Variants in SCN2A observed in about 807,000 individuals in gnomAD.
The protein encoded by SCN2A is sodium channel protein type 2 subunit alpha.
A neutral mutation model predicts 188.7 loss-of-function variants in SCN2A; 20 were observed. The ratio of observed to expected loss-of-function variants is 0.11; its 90% CI spans 0.07 to 0.15. SCN2A has a LOEUF of 0.15. Among genes scored for constraint, SCN2A ranks in the 10% least tolerant of loss-of-function variants. The pLI, the probability that SCN2A is intolerant of heterozygous loss-of-function variation, is 1.00. For missense variants in SCN2A, 1,278 were observed against 2,445.0 expected (o/e 0.52, Z 10.07); for synonymous variants, 804 against 833.1 (o/e 0.97, Z 0.60).
intron 18 of SCN2A, among the ~76,000 whole-genome samples, chr2:165,366,316 T>C (rs1700723500): frequency 6.6e-6 from 1 of 152,208 alleles, no homozygotes; most frequent in African/African-American, 2.4e-5. Flanking sequence ...TTTTTGACAA[T>C]AGTAGATACT....
At chr2:165,373,022 G>T in intron 20 of SCN2A, 1 of 531,640 alleles carries the variant, frequency 1.9e-6, no homozygotes, top group Non-Finnish European at 3.4e-6. Context: ...CTTCACCCTG[G>T]GAACCTGTAG....
At position 165,354,691 on chromosome 2, in the gene SCN2A, G is replaced by A; in HGVS notation, c.3399+20G>A. 5.0e-6 allele frequency: 8 copies of A among 1,610,040 alleles called. No homozygotes were observed. Among genetic ancestry groups the A allele is most frequent in the Non-Finnish European group, 6.8e-6 (8 of 1,178,642 alleles). On this transcript the variant is annotated intron_variant, in intron 17 of 26. Transcript: ENST00000375437. ...AAAGAGGTAAAAATGTTTAAATAAG[G>A]AGATATTTTGGTGTTATATAATTCT...
chr2:165,273,617 C>T (rs1406570780), intron 1 of SCN2A: 1 of 152,048 alleles, frequency 6.6e-6, no homozygotes, highest in Non-Finnish European at 1.5e-5. Flanking sequence ...TTCTCTCTGT[C>T]TGTTTGAGAA....
rs1045693589 is a variant in SCN2A, at chr2:165,244,692, A to G, written c.-52+5052A>G. Among the ~76,000 whole-genome samples, 3 of 152,338 alleles carry G rather than the reference A, an allele frequency of 2.0e-5. No homozygotes were observed. In the East Asian group the frequency reaches 5.8e-4, roughly 29 times the overall value. On this transcript the variant is annotated intron_variant, in intron 1 of 26. Transcript: ENST00000375437. ...AAATAACATTTAGGGGGATAAAATGATCTTAGGAAGAAATTGCCCACAAAA... is the reference window on the plus strand; with the variant it reads ...AAATAACATTTAGGGGGATAAAATGGTCTTAGGAAGAAATTGCCCACAAAA...
At chr2:165,375,819 G>GCACACA (rs112644456) in intron 22 of SCN2A, among the ~76,000 whole-genome samples, 1 of 146,688 alleles carries the variant, frequency 6.8e-6, no homozygotes, top group Non-Finnish European at 1.5e-5. Flanking sequence ...GTGTATACAC[G>GCACACA]CACACACACA....
At position 165,377,580 on chromosome 2, in the gene SCN2A, T is replaced by A. The variant is rs1322582730; in HGVS notation, c.4255-17T>A. On this transcript the variant is annotated splice_polypyrimidine_tract_variant and intron_variant, in intron 22 of 26. Transcript: ENST00000375437. ...ATAATTTTGGGAAAAAAGAAAATGA[T>A]ATGACTTTTCTTACAGGCCACGTTT... 1 of 1,596,514 alleles carries A rather than the reference T, an allele frequency of 6.3e-7. No homozygotes were observed. The highest frequency in any genetic ancestry group is 1.7e-5 in the Admixed American group (1 of 59,312).
At position 165,310,609 on chromosome 2, in the gene SCN2A, T is replaced by C. The variant is rs1267916351; in HGVS notation, c.970+14T>C. The C allele has an allele frequency of 1.9e-6, 3 of 1,581,542 alleles. No individual in the cohort carries two copies. Among genetic ancestry groups the C allele is most frequent in the South Asian group, 1.1e-5 (1 of 89,062 alleles). ...TTGAGGATAAAAGTAAGATATACTC[T>C]ATAAACCATTAAGTTGTTTAGTTCT... On this transcript the variant is annotated intron_variant, in intron 7 of 26. Coordinates refer to ENST00000375437, the MANE Select transcript of SCN2A (RefSeq NM_001040142.2).
chr2:165,317,392 A>G (rs2105263901), intron 11 of SCN2A, among the ~76,000 whole-genome samples: 1 of 151,838 alleles, frequency 6.6e-6, no homozygotes, highest in East Asian at 1.9e-4. Flanking sequence ...AGAGAGAGGA[A>G]AAAAGGGAGC....
chr2:165,290,107 G>T (rs1402978116), intron 1 of SCN2A, among the ~76,000 whole-genome samples: 1 of 151,992 alleles, frequency 6.6e-6, no homozygotes, highest in African/African-American at 2.4e-5. Context: ...GACAGTATTT[G>T]TACATATTCA....
intron 1 of SCN2A, among the ~76,000 whole-genome samples, chr2:165,289,145 T>C (rs1338873079): frequency 6.6e-6 from 1 of 152,078 alleles, no homozygotes; most frequent in Admixed American, 6.5e-5. Context: ...TTTCTTAGTA[T>C]AAATTTATTT....
At chr2:165,369,014 C>T (rs1477068015) in intron 19 of SCN2A, among the ~76,000 whole-genome samples, 2 of 151,994 alleles carry the variant, frequency 1.3e-5, no homozygotes, top group African/African-American at 4.8e-5. Flanking sequence ...CAGCCTCCAT[C>T]TCTTGGGTTC....
intron 12 of SCN2A, among the ~76,000 whole-genome samples, chr2:165,324,656 A>G (rs961562037): frequency 7.2e-5 from 11 of 152,242 alleles, no homozygotes; most frequent in African/African-American, 2.7e-4. Context: ...AGAACACTGT[A>G]CATGTGTTAA....
chr2:165,288,902 T>G (rs185574916), intron 1 of SCN2A, among the ~76,000 whole-genome samples: 31 of 152,232 alleles, frequency 2.0e-4, no homozygotes, highest in Admixed American at 1.9e-3. Flanking sequence ...TAGCAAATCT[T>G]TTATTGGTTT....
At chr2:165,385,538 C>G (rs1196537232) in intron 25 of SCN2A, among the ~76,000 whole-genome samples, 1 of 152,134 alleles carries the variant, frequency 6.6e-6, no homozygotes, top group East Asian at 1.9e-4. Flanking sequence ...AGAAGAGTTA[C>G]TCATAATGAA....
At chr2:165,338,858 T>A (rs1046206497) in intron 14 of SCN2A, among the ~76,000 whole-genome samples, 4 of 152,148 alleles carry the variant, frequency 2.6e-5, no homozygotes, top group African/African-American at 7.2e-5. Flanking sequence ...AACAGTCATT[T>A]GTGAGAAAAA....
At chr2:165,307,142 A>G (rs1033144793) in intron 3 of SCN2A, among the ~76,000 whole-genome samples, 4 of 152,130 alleles carry the variant, frequency 2.6e-5, no homozygotes, top group African/African-American at 9.7e-5. Flanking sequence ...GAAGCAATTC[A>G]TTGAGCATCT....
intron 15 of SCN2A, among the ~76,000 whole-genome samples, chr2:165,342,968 C>G (rs1699391867): frequency 6.6e-6 from 1 of 152,182 alleles, no homozygotes; most frequent in African/African-American, 2.4e-5. Context: ...GCTGCCACAT[C>G]AGAAAATCAC....
intron 14 of SCN2A, among the ~76,000 whole-genome samples, chr2:165,335,408 T>G (rs932322833): frequency 3.3e-5 from 5 of 151,778 alleles, no homozygotes; most frequent in African/African-American, 9.7e-5. Context: ...AGGATAGCTA[T>G]ATACATCAAT....
chr2:165,269,165 AT>A (rs1158940665), intron 1 of SCN2A: 1 of 152,084 alleles, frequency 6.6e-6, no homozygotes, highest in East Asian at 1.9e-4. Flanking sequence ...CACCACCAAA[AT>A]ATAAATATCT....
Sources: gnomAD v4.1 joint callset for allele counts (sites outside exome capture counted in the v4.1 genomes callset) on GRCh38, gnomAD v4.1.1 for gene constraint, MANE v1.5 for transcripts, NCBI Gene and HGNC (gene_info 2026-07-23, HGNC 2026-07-21) for gene names.